Variants in NHSL2 observed in about 807,000 individuals in gnomAD.
NHSL2 encodes the protein NHS-like protein 2.
In NHSL2, 27 loss-of-function variants were observed where a neutral mutation model predicts 53.4. The ratio of observed to expected loss-of-function variants is 0.51; its 90% CI spans 0.37 to 0.70. NHSL2 has a LOEUF of 0.70. Ranked by LOEUF, NHSL2 falls within the 30% of genes least tolerant of loss-of-function variation. The probability of loss-of-function intolerance (pLI) is 0.00; values close to 1 mark genes in which losing one functional copy is unlikely to be tolerated. For synonymous variants in NHSL2, 408 were observed against 404.1 expected, an observed-to-expected ratio of 1.01 and a Z score of -0.12; for missense variants, 892 against 980.1, an observed-to-expected ratio of 0.91 and a Z score of 1.20.
chrX:72,080,735 CCTGCT>C (rs1214745993), intron 1 of NHSL2, among the ~76,000 whole-genome samples: 1 of 111,337 alleles, frequency 9.0e-6, no homozygotes, highest in African/African-American at 3.3e-5. Flanking sequence ...CTCCTGGACT[CCTGCT>C]AAAATGCTGA....
chrX:72,083,563 A>G (rs1246140369), intron 1 of NHSL2, among the ~76,000 whole-genome samples: 3 of 112,211 alleles, frequency 2.7e-5, no homozygotes, highest in Non-Finnish European at 5.6e-5. Context: ...CATAGAATTT[A>G]ATTACTCTCT....
intron 5 of NHSL2, among the ~76,000 whole-genome samples, chrX:72,138,224 C>T (rs6624596): frequency 0.014 from 1,541 of 112,030 alleles, 78 homozygotes; most frequent in Admixed American, 0.12. Flanking sequence ...TATTTGGCAG[C>T]CATCTGGACC....
chrX:71,979,536 T>A (rs1408083055), intron 1 of NHSL2, among the ~76,000 whole-genome samples: 1 of 112,786 alleles, frequency 8.9e-6, no homozygotes, highest in East Asian at 2.8e-4. Flanking sequence ...TTTTCACATG[T>A]CTGTTGGCTG....
intron 1 of NHSL2, among the ~76,000 whole-genome samples, chrX:71,919,621 G>A (rs777188417): frequency 8.1e-5 from 9 of 111,736 alleles, no homozygotes; most frequent in Non-Finnish European, 1.1e-4. Context: ...TTCCCAACCC[G>A]AGGATTTTCC....
intron 1 of NHSL2, among the ~76,000 whole-genome samples, chrX:71,929,835 G>A (rs2041703923): frequency 9.1e-6 from 1 of 110,132 alleles, no homozygotes; most frequent in Non-Finnish European, 1.9e-5. Flanking sequence ...GCTCGCTGCA[G>A]CCTCAACCTC....
At chrX:72,067,232 A>G (rs1490487566) in intron 1 of NHSL2, among the ~76,000 whole-genome samples, 1 of 111,424 alleles carries the variant, frequency 9.0e-6, no homozygotes, top group Non-Finnish European at 1.9e-5. Context: ...GGGGTACACA[A>G]GTGTGTCCAG....
intron 1 of NHSL2, among the ~76,000 whole-genome samples, chrX:71,983,194 C>A (rs1462964246): frequency 9.0e-6 from 1 of 111,395 alleles, no homozygotes; most frequent in Non-Finnish European, 1.9e-5. Flanking sequence ...TCCACTATCA[C>A]CGGGAAATGA....
chrX:72,044,393 C>T lies in NHSL2; in HGVS notation c.281-87686C>T, dbSNP rs746907189. Among the ~76,000 whole-genome samples the T allele has an allele frequency of 9.8e-5, 11 of 111,676 alleles. No homozygotes were observed. The South Asian group carries it at 4.1e-3, about 42-fold the overall frequency. On this transcript the variant is annotated intron_variant, in intron 1 of 7. Coordinates refer to ENST00000633930, the MANE Select transcript of NHSL2 (RefSeq NM_001013627.3). ...TGGCAGGGAAGGTCCTGCTCCTAAA[C>T]AAGAACTTACAACCACTTCAGCATG...
rs753720669 is a variant in NHSL2, at chrX:72,142,255, G to A, written c.3247G>A (p.Glu1083Lys). The A allele has an allele frequency of 4.3e-6, 5 of 1,160,446 alleles. No homozygotes were observed. The highest frequency in any genetic ancestry group is 1.9e-5 in the South Asian group (1 of 52,007). ...PLGSSVEPGT[E>K]EKSLISDKTA... ...AGGGAGTTCTGTGGAACCAGGCACC[G>A]AAGAAAAAAGTTTAATCAGTGATAA... The change falls in exon 7 of 8, where the codon GAA becomes AAA. Residue 1083 changes from glutamate (E) to lysine (K), a missense_variant. Transcript: ENST00000633930.
At chrX:71,989,563 G>A (rs1300870241) in intron 1 of NHSL2, among the ~76,000 whole-genome samples, 2 of 111,198 alleles carry the variant, frequency 1.8e-5, no homozygotes, top group Non-Finnish European at 3.8e-5. Context: ...AAGCAAAGTT[G>A]AATCCAAAGC....
At chrX:72,020,018 C>T (rs1025233873) in intron 1 of NHSL2, among the ~76,000 whole-genome samples, 1 of 111,921 alleles carries the variant, frequency 8.9e-6, no homozygotes, top group African/African-American at 3.3e-5. Context: ...GAATCCTATC[C>T]CCATAGGATA....
At chrX:72,058,065 G>A (rs2042379266) in intron 1 of NHSL2, among the ~76,000 whole-genome samples, 1 of 112,288 alleles carries the variant, frequency 8.9e-6, no homozygotes, top group Non-Finnish European at 1.9e-5. Flanking sequence ...GAAGAGCACT[G>A]TGCAATTGTT....
chrX:71,944,670 T>C (rs777378763), intron 1 of NHSL2, among the ~76,000 whole-genome samples: 162 of 112,187 alleles, frequency 1.4e-3, no homozygotes, highest in African/African-American at 5.2e-3. Context: ...ATAGGCTTGC[T>C]TCTTCATGGA....
rs372828654 is a variant in NHSL2 at position 72,140,585 on chromosome X, C to G, written c.3037C>G (p.Leu1013Val). ...ACCAAAAAAACCCAGCGTGCTGTAC[C>G]TGCCTCTCACTTCTCCCACAGCTCA... ...PVPKKPSVLY[L>V]PLTSPTAQME... The change falls in exon 6 of 8, where the codon CTG (leucine) becomes GTG (valine). Residue 1013 changes from leucine to valine, a missense_variant. Coordinates refer to ENST00000633930, the MANE Select transcript of NHSL2 (RefSeq NM_001013627.3). 3.3e-6 allele frequency: 4 copies of G among 1,211,599 alleles called. No individual in the cohort carries two copies. The highest frequency in any genetic ancestry group is 3.5e-5 in the African/African-American group (2 of 57,877).
intron 6 of NHSL2, among the ~76,000 whole-genome samples, chrX:72,141,556 G>A (rs775682825): frequency 1.5e-4 from 17 of 111,097 alleles, no homozygotes; most frequent in Admixed American, 4.8e-4. Context: ...CTCCCTCCCC[G>A]CAGATTCCTC....
chrX:72,129,072 G>A (rs975043802), intron 1 of NHSL2: 4 of 113,059 alleles, frequency 3.5e-5, no homozygotes, highest in Non-Finnish European at 5.6e-5. Context: ...TGAGAGGAAA[G>A]GGCTCCAGAT....
Position 72,033,301 on chromosome X carries a change from G to A in NHSL2, c.281-98778G>A, listed in dbSNP as rs764108513. On this transcript the variant is annotated intron_variant, in intron 1 of 7. Coordinates refer to ENST00000633930, the MANE Select transcript of NHSL2 (RefSeq NM_001013627.3). ...TCCCGGGTTCAAGTGATTCTCCTCCGTCAGCCTTCCAGGTAGCTGGGGCTA... is the reference window on the plus strand; with the variant it reads ...TCCCGGGTTCAAGTGATTCTCCTCCATCAGCCTTCCAGGTAGCTGGGGCTA... Among the ~76,000 whole-genome samples, 14 of 107,358 alleles carry A rather than the reference G, an allele frequency of 1.3e-4. No homozygotes were observed. In the East Asian group the frequency reaches 2.1e-3, roughly 16 times the overall value. 93.2% of individuals were successfully genotyped at this position (107,358 alleles called of 115,157 possible).
intron 1 of NHSL2, among the ~76,000 whole-genome samples, chrX:71,990,168 T>C (rs2042021301): frequency 8.9e-6 from 1 of 111,934 alleles, no homozygotes; most frequent in African/African-American, 3.3e-5. Flanking sequence ...GATTAGTGCT[T>C]GTTAAATCTT....
rs141959252 is a variant in NHSL2 at position 72,140,322 on chromosome X, G to A, written c.2774G>A (p.Arg925Gln). ...PLPQDSYTVVRKPKPSSFPDG... is the reference protein window; with the variant it reads ...PLPQDSYTVVQKPKPSSFPDG... ...CCTCAAGACAGCTACACGGTAGTGC[G>A]GAAACCAAAGCCCTCCAGCTTCCCA... Residue 925 changes from arginine (R) to glutamine (Q), a missense_variant, in exon 6 of 8, where the codon CGG (arginine) becomes CAG (glutamine). Transcript: ENST00000633930. The A allele has an allele frequency of 7.6e-5, 92 of 1,209,044 alleles. No individual in the cohort carries two copies. The highest frequency in any genetic ancestry group is 1.1e-4 in the Admixed American group (5 of 45,760).
Sources: gnomAD v4.1 joint callset for allele counts (sites outside exome capture counted in the v4.1 genomes callset) on GRCh38, gnomAD v4.1.1 for gene constraint, MANE v1.5 for transcripts, NCBI Gene and HGNC (gene_info 2026-07-23, HGNC 2026-07-21) for gene names.